CAPN8: variants seen among roughly 807,000 people sequenced by gnomAD.
The protein encoded by CAPN8 is calpain-8.
In CAPN8, 87 loss-of-function variants were observed where a neutral mutation model predicts 80.9. That is an observed-to-expected ratio of 1.07 (90% confidence interval 0.90 to 1.28). The LOEUF (loss-of-function observed/expected upper bound fraction) is 1.28, where lower values mean the gene tolerates loss of function less well. Among genes scored for constraint, CAPN8 ranks in the 50% most tolerant of loss-of-function variants. The probability of loss-of-function intolerance (pLI) is 0.00; values close to 1 mark genes in which losing one functional copy is unlikely to be tolerated. For synonymous variants in CAPN8, 299 were observed against 273.8 expected, an observed-to-expected ratio of 1.09 and a Z score of -0.91; for missense variants, 757 against 702.0, an observed-to-expected ratio of 1.08 and a Z score of -0.89.
At chr1:223,648,923 C>T (rs1658268461) in intron 2 of CAPN8, among the ~76,000 whole-genome samples, 1 of 152,136 alleles carries the variant, frequency 6.6e-6, no homozygotes, top group South Asian at 2.1e-4. Context: ...CAGCACTTAT[C>T]AAACCCTTAA....
At position 223,653,650 on chromosome 1, in the gene CAPN8, T is replaced by G. The variant is rs80040776; in HGVS notation, c.307+680A>C. ...CCATGTTGCCCATAAAATGTAAGGATTGTCCAATTCAACGCAGAAACTCCC... is the reference window on the plus strand; with the variant it reads ...CCATGTTGCCCATAAAATGTAAGGAGTGTCCAATTCAACGCAGAAACTCCC... On this transcript the variant is annotated intron_variant, in intron 2 of 20. Transcript: ENST00000366872. Among the ~76,000 whole-genome samples, 1,129 of 152,212 alleles carry G rather than the reference T, an allele frequency of 7.4e-3. 15 individuals are homozygous for G. The highest frequency in any genetic ancestry group is 0.026 in the African/African-American group (1,090 of 41,522).
At chr1:223,660,628 G>C (rs61822583) in intron 1 of CAPN8, among the ~76,000 whole-genome samples, 16,249 of 152,246 alleles carry the variant, frequency 0.11, 1,142 homozygotes, top group South Asian at 0.16. Context: ...CAAATGATGT[G>C]ATTTCAGAAA....
intron 9 of CAPN8, 69 bp from the exon 10 acceptor site, chr1:223,616,214 A>G: frequency 6.8e-7 from 1 of 1,467,450 alleles, no homozygotes; most frequent in Non-Finnish European, 9.1e-7. Flanking sequence ...ATAAAGTAAA[A>G]GGGAAGAAAC....
At position 223,623,758 on chromosome 1, in the gene CAPN8, G is replaced by T. The variant is rs542995521; in HGVS notation, c.814-858C>A. Among the ~76,000 whole-genome samples the T allele has an allele frequency of 3.9e-5, 6 of 152,326 alleles. No homozygotes were observed. The South Asian group carries it at 6.2e-4, about 16-fold the overall frequency. On this transcript the variant is annotated intron_variant, in intron 6 of 20. Transcript: ENST00000366872. Reference sequence around the variant, plus strand: ...CGCCTGTGATCCCAGCACTTTGGGAGGCCGAGGTGGGCAGATCATGAGGTC... The same window carrying T: ...CGCCTGTGATCCCAGCACTTTGGGATGCCGAGGTGGGCAGATCATGAGGTC...
intron 10 of CAPN8, among the ~76,000 whole-genome samples, chr1:223,614,065 T>A: frequency 6.6e-6 from 1 of 152,212 alleles, no homozygotes; most frequent in East Asian, 1.9e-4. Flanking sequence ...ACAAAGCTAT[T>A]TCAGTCCCTT....
rs760712958 is a variant in CAPN8 at position 223,618,404 on chromosome 1, A to G, written c.1135+889T>C. The stretch of plus-strand genomic sequence containing the variant: ...ACCATACTATCTCCACCAGGGTCTG[A>G]GTCCCCATGACACGCATGCCCTGTG... On this transcript the variant is annotated intron_variant, in intron 9 of 20. Coordinates refer to ENST00000366872, the MANE Select transcript of CAPN8 (RefSeq NM_001143962.2). The G allele has an allele frequency of 1.0e-3, 1,363 of 1,335,604 alleles. 2 individuals are homozygous for G. The highest frequency in any genetic ancestry group is 1.3e-3 in the Non-Finnish European group (1,245 of 961,976). The allele number at this position is 1,335,604 out of a possible 1,614,324, so 82.7% of individuals were successfully genotyped here.
At chr1:223,542,631 C>T (rs1656499302) in intron 20 of CAPN8, among the ~76,000 whole-genome samples, 1 of 152,146 alleles carries the variant, frequency 6.6e-6, no homozygotes, top group African/African-American at 2.4e-5. Context: ...CTCTGTCGTA[C>T]AGGGGTGCAG....
At chr1:223,632,338 C>A (rs1432780726) in intron 2 of CAPN8, among the ~76,000 whole-genome samples, 2 of 151,930 alleles carry the variant, frequency 1.3e-5, no homozygotes, top group Admixed American at 1.3e-4. Flanking sequence ...GAACTGCCAG[C>A]AAAAAAACAG....
Position 223,549,230 on chromosome 1 carries a change from C to G in CAPN8, c.1764+88G>C. 5.3e-6 allele frequency: 8 copies of G among 1,503,850 alleles called. No homozygotes were observed. In the South Asian group the frequency reaches 1.0e-4, roughly 19 times the overall value. The allele number at this position is 1,503,850 out of a possible 1,614,324, so 93.2% of individuals were successfully genotyped here. A position where few individuals can be genotyped will look rare whatever the true frequency, so the allele number is the denominator to read the frequency against. On this transcript the variant is annotated intron_variant, in intron 16 of 20. Coordinates refer to ENST00000366872, the MANE Select transcript of CAPN8 (RefSeq NM_001143962.2). ...TCTCCCCTTCTCATTTTTTACCCGTCCCTTCCTTCTAACTGGAAAAGGTGG... is the reference window on the plus strand; with the variant it reads ...TCTCCCCTTCTCATTTTTTACCCGTGCCTTCCTTCTAACTGGAAAAGGTGG...
chr1:223,619,562 G>T, intron 8 of CAPN8, 109 bp from the exon 9 acceptor site: 1 of 1,138,688 alleles, frequency 8.8e-7, no homozygotes, highest in Non-Finnish European at 1.2e-6. Context: ...TAGAGGCCGT[G>T]GGCTAGCTTG....
rs893963599 is a variant in CAPN8, at chr1:223,665,502, G to C, written c.145C>G (p.Pro49Ala). ...CLDSGVLFKDPEFPACPSALG... is the reference protein window; with the variant it reads ...CLDSGVLFKDAEFPACPSALG... ...GCTGATGGACATGCTGGGAACTCAG[G>C]GTCCTTAAATAGGACCCCTGAGTCC... is the stretch of plus-strand genomic sequence containing the variant. Residue 49 changes from proline to alanine, a missense_variant, in exon 1 of 21, where the codon CCT becomes GCT. Transcript: ENST00000366872. The C allele has an allele frequency of 5.2e-6, 8 of 1,551,608 alleles. No homozygotes were observed. The highest frequency in any genetic ancestry group is 2.4e-5 in the East Asian group (1 of 40,922).
intron 1 of CAPN8, among the ~76,000 whole-genome samples, chr1:223,661,802 G>A (rs1658652798): frequency 6.6e-6 from 1 of 152,140 alleles, no homozygotes; most frequent in Admixed American, 6.6e-5. Context: ...TCCAGCCATG[G>A]GTCATATCTT....
chr1:223,621,919 C>T (rs568279649), intron 7 of CAPN8, among the ~76,000 whole-genome samples: 94 of 151,992 alleles, frequency 6.2e-4, no homozygotes, highest in African/African-American at 2.2e-3. Flanking sequence ...TGCAGTGGCC[C>T]AATCTCGGCT....
chr1:223,651,842 C>G (rs1207580587), intron 2 of CAPN8, among the ~76,000 whole-genome samples: 1 of 152,162 alleles, frequency 6.6e-6, no homozygotes, highest in Admixed American at 6.5e-5. Context: ...TGGCAAGGTG[C>G]CAAACAGTGT....
At chr1:223,549,900 C>A (rs902462553) in intron 15 of CAPN8, among the ~76,000 whole-genome samples, 1 of 152,222 alleles carries the variant, frequency 6.6e-6, no homozygotes, top group Non-Finnish European at 1.5e-5. Context: ...ATTATACCCA[C>A]TTTATAGATC....
chr1:223,541,947 C>A, intron 20 of CAPN8, 88 bp from the exon 21 acceptor site: 1 of 1,541,690 alleles, frequency 6.5e-7, no homozygotes, highest in Non-Finnish European at 8.8e-7. Context: ...CACATGGGTG[C>A]GATCTTTTTA....
chr1:223,644,160 C>A, intron 2 of CAPN8: 1 of 358,288 alleles, frequency 2.8e-6, no homozygotes, highest in South Asian at 2.7e-5. Flanking sequence ...TTAGCATGAT[C>A]CAACCCAGTT....
intron 1 of CAPN8, among the ~76,000 whole-genome samples, chr1:223,661,089 C>G (rs926301878): frequency 2.0e-5 from 3 of 150,260 alleles, no homozygotes; most frequent in Non-Finnish European, 4.4e-5. Context: ...TCACTTGATT[C>G]TAGGAGGCAG....
intron 9 of CAPN8, among the ~76,000 whole-genome samples, chr1:223,618,885 C>T (rs1217486971): frequency 6.6e-6 from 1 of 152,208 alleles, no homozygotes; most frequent in Non-Finnish European, 1.5e-5. Flanking sequence ...GTCCAAAGGC[C>T]TTATCCAAAG....
Sources: gnomAD v4.1 joint callset for allele counts (sites outside exome capture counted in the v4.1 genomes callset) on GRCh38, gnomAD v4.1.1 for gene constraint, MANE v1.5 for transcripts, NCBI Gene and HGNC (gene_info 2026-07-23, HGNC 2026-07-21) for gene names.